The following TBC1D22A variants were observed in gnomAD, a reference collection of about 807,000 sequenced individuals.
TBC1D22A encodes TBC1 domain family member 22A.
In TBC1D22A, 38 loss-of-function variants were observed where a neutral mutation model predicts 60.2. The observed-to-expected ratio is 0.63, with a 90% CI of 0.49 to 0.83. The LOEUF is 0.83. Among genes scored for constraint, TBC1D22A ranks in the 40% least tolerant of loss-of-function variants. The probability of loss-of-function intolerance (pLI) is 0.00; values close to 1 mark genes in which losing one functional copy is unlikely to be tolerated. For synonymous variants in TBC1D22A, 302 were observed against 281.7 expected (o/e 1.07, Z -0.72); for missense variants, 628 against 701.0 (o/e 0.90, Z 1.18).
At chr22:46,956,573 T>TG (rs2073204248) in intron 8 of TBC1D22A, among the ~76,000 whole-genome samples, 1 of 152,106 alleles carries the variant, frequency 6.6e-6, no homozygotes, top group Admixed American at 6.6e-5. Flanking sequence ...TTTTCAGGGG[T>TG]CAACCTGGTC....
At chr22:47,042,538 T>C (rs1894818979) in intron 11 of TBC1D22A, among the ~76,000 whole-genome samples, 1 of 152,244 alleles carries the variant, frequency 6.6e-6, no homozygotes, top group Admixed American at 6.5e-5. Flanking sequence ...TCTGATTGTG[T>C]TCCTCCTGCA....
At chr22:46,762,910 C>A in intron 1 of TBC1D22A, 62 bp downstream of exon 1, 1 of 1,429,502 alleles carries the variant, frequency 7.0e-7, no homozygotes, top group Non-Finnish European at 9.2e-7. Context: ...GCCGCGTTGG[C>A]CTCCTGGGCT....
intron 4 of TBC1D22A, among the ~76,000 whole-genome samples, chr22:46,838,296 G>A (rs1204192492): frequency 6.6e-6 from 1 of 152,200 alleles, no homozygotes; most frequent in South Asian, 2.1e-4. Flanking sequence ...AGACTCAAAT[G>A]CAATCATAAA....
chr22:47,160,331 G>A (rs577480782), intron 12 of TBC1D22A, among the ~76,000 whole-genome samples: 4 of 152,326 alleles, frequency 2.6e-5, no homozygotes, highest in East Asian at 1.9e-4. Context: ...CTCCCTTGCC[G>A]CTCACTGGGG....
intron 12 of TBC1D22A, among the ~76,000 whole-genome samples, chr22:47,141,213 A>C (rs2067072472): frequency 6.6e-6 from 1 of 151,960 alleles, no homozygotes; most frequent in South Asian, 2.1e-4. Context: ...GGAAAGACCC[A>C]CCTCCATGAT....
chr22:47,054,437 C>T (rs551411904), intron 11 of TBC1D22A, among the ~76,000 whole-genome samples: 2 of 152,238 alleles, frequency 1.3e-5, no homozygotes, highest in African/African-American at 2.4e-5. Context: ...TGTCCACTCC[C>T]GGCCCACTTC....
intron 10 of TBC1D22A, among the ~76,000 whole-genome samples, chr22:47,034,622 G>A (rs940038844): frequency 2.2e-4 from 33 of 152,278 alleles, no homozygotes; most frequent in African/African-American, 7.7e-4. Context: ...CCTGTGCCCC[G>A]GCTGTCTCTG....
At chr22:46,830,601 CT>C (rs1175609003) in intron 4 of TBC1D22A, among the ~76,000 whole-genome samples, 3 of 152,224 alleles carry the variant, frequency 2.0e-5, no homozygotes, top group Non-Finnish European at 4.4e-5. Context: ...TGTCACATCA[CT>C]TTCCGTGGGC....
chr22:46,999,206 G>C (rs2075224698), intron 10 of TBC1D22A, among the ~76,000 whole-genome samples: 1 of 152,252 alleles, frequency 6.6e-6, no homozygotes, highest in African/African-American at 2.4e-5. Flanking sequence ...GGTTCAGAAA[G>C]AAGCACATTG....
rs180920085 is a variant in TBC1D22A, at chr22:46,790,171, C to T, written c.63-2349C>T. Among the ~76,000 whole-genome samples, 8 of 152,364 alleles carry T rather than the reference C, an allele frequency of 5.3e-5. No individual in the cohort carries two copies. In the East Asian group the frequency reaches 1.5e-3, roughly 29 times the overall value. ...CGGGGCTGGTTCCTTCTGGAAGCTC[C>T]AGGGGAGAGCGTTTTCCCTGCTCTC... is the stretch of plus-strand genomic sequence containing the variant. On this transcript the variant is annotated intron_variant, in intron 1 of 12. Coordinates refer to ENST00000337137, the MANE Select transcript of TBC1D22A (RefSeq NM_014346.5).
intron 4 of TBC1D22A, among the ~76,000 whole-genome samples, chr22:46,814,443 C>G (rs2085506616): frequency 6.6e-6 from 1 of 152,142 alleles, no homozygotes; most frequent in African/African-American, 2.4e-5. Context: ...GGCACAGGCT[C>G]TCCTGCCTGC....
rs553963467 is a variant in TBC1D22A at position 47,133,190 on chromosome 22, G to T, written c.1425+21587G>T. ...TGGATTAGAATTTGTTTTCTCAGCG[G>T]TTCCCAAGTGTGCACAGGGACATCT... On this transcript the variant is annotated intron_variant, in intron 12 of 12. Transcript: ENST00000337137. 9.2e-5 allele frequency among the ~76,000 whole-genome samples: 14 copies of T among 152,352 alleles called. No individual in the cohort carries two copies. In the South Asian group the frequency reaches 2.7e-3, roughly 29 times the overall value.
chr22:46,904,146 C>CTATCTATCTAATCTAT (rs1555937562), intron 7 of TBC1D22A, among the ~76,000 whole-genome samples: 4 of 45,454 alleles, frequency 8.8e-5, no homozygotes, highest in African/African-American at 2.4e-4. Flanking sequence ...TATCTATCTA[C>CTATCTATCTAATCTAT]CTACCTACCT....
intron 9 of TBC1D22A, among the ~76,000 whole-genome samples, chr22:46,983,749 C>T (rs1320811354): frequency 2.7e-5 from 4 of 148,006 alleles, no homozygotes; most frequent in African/African-American, 9.9e-5. Flanking sequence ...TATGAAGGTT[C>T]CAGCCAGATA....
intron 11 of TBC1D22A, among the ~76,000 whole-genome samples, chr22:47,041,610 G>A (rs1042378285): frequency 3.9e-5 from 6 of 152,194 alleles, no homozygotes; most frequent in Admixed American, 1.3e-4. Flanking sequence ...TGTTCTCTGC[G>A]GCGTCCTGGG....
chr22:46,780,437 A>G (rs1368619820), intron 1 of TBC1D22A, among the ~76,000 whole-genome samples: 1 of 149,642 alleles, frequency 6.7e-6, no homozygotes, highest in African/African-American at 2.6e-5. Flanking sequence ...TTAACCTTCA[A>G]TTAAAAAAAA....
chr22:46,786,795 C>T (rs984959697), intron 1 of TBC1D22A, among the ~76,000 whole-genome samples: 1 of 152,056 alleles, frequency 6.6e-6, no homozygotes, highest in Non-Finnish European at 1.5e-5. Context: ...CTCAAGTGAT[C>T]CTCCCACGTC....
chr22:46,870,582 T>C (rs2067251748), intron 4 of TBC1D22A, among the ~76,000 whole-genome samples: 1 of 152,214 alleles, frequency 6.6e-6, no homozygotes. Context: ...AGGAAAGCTG[T>C]CTTAGTCTGT....
At chr22:46,826,574 C>T (rs1046922646) in intron 4 of TBC1D22A, among the ~76,000 whole-genome samples, 5 of 152,134 alleles carry the variant, frequency 3.3e-5, no homozygotes, top group African/African-American at 1.2e-4. Context: ...GAGGGCTTTT[C>T]GTGTCCTGGT....
Sources: gnomAD v4.1 joint callset for allele counts (sites outside exome capture counted in the v4.1 genomes callset) on GRCh38, gnomAD v4.1.1 for gene constraint, MANE v1.5 for transcripts, NCBI Gene and HGNC (gene_info 2026-07-23, HGNC 2026-07-21) for gene names.